Variants in ADGRB1 observed in about 807,000 individuals in gnomAD.
ADGRB1 encodes the protein brain-specific angiogenesis inhibitor 1.
Under a neutral mutation model 175.7 loss-of-function variants are expected in ADGRB1, and 36 were observed. The ratio of observed to expected loss-of-function variants is 0.20; its 90% CI spans 0.16 to 0.27. ADGRB1 has a LOEUF of 0.27. Among genes scored for constraint, ADGRB1 ranks in the 10% least tolerant of loss-of-function variants. The pLI, the probability that ADGRB1 is intolerant of heterozygous loss-of-function variation, is 1.00. For synonymous variants in ADGRB1, 1,054 were observed against 979.4 expected (o/e 1.08, Z -1.42); for missense variants, 1,731 against 2,255.3 (o/e 0.77, Z 4.71).
At chr8:142,459,830 G>A (rs1192123444) in intron 1 of ADGRB1, among the ~76,000 whole-genome samples, 1 of 152,150 alleles carries the variant, frequency 6.6e-6, no homozygotes, top group Non-Finnish European at 1.5e-5. Context: ...GAAGTCTCCT[G>A]TGACCCTGTC....
chr8:142,464,244 C>G lies in ADGRB1; in HGVS notation c.46C>G (p.Pro16Ala). 1 of 1,339,848 alleles carries G rather than the reference C, an allele frequency of 7.5e-7. No individual in the cohort carries two copies. Among genetic ancestry groups the G allele is most frequent in the Non-Finnish European group, 9.5e-7 (1 of 1,053,932 alleles). The allele number at this position is 1,339,848 out of a possible 1,614,324, so 83.0% of individuals were successfully genotyped here. A position where few individuals can be genotyped will look rare whatever the true frequency, so the allele number is the denominator to read the frequency against. The change falls in exon 2 of 31, where the codon CCG (proline) becomes GCG (alanine). Residue 16 changes from proline (P) to alanine (A), a missense_variant. Coordinates refer to ENST00000517894, the MANE Select transcript of ADGRB1 (RefSeq NM_001702.3). ...CCCGGGCCCCGTCTGGATCCTCGCC[C>G]CGCTGCTACTGCTGCTGCTGCTGCT... The part of the protein sequence containing the change: ...AAPGPVWILA[P>A]LLLLLLLLGR...
At position 142,520,847 on chromosome 8, in the gene ADGRB1, C is replaced by T. The variant is rs751055223; in HGVS notation, c.2946C>T (p.Val982=). 6.2e-6 allele frequency: 10 copies of T among 1,613,542 alleles called. No individual in the cohort carries two copies. The African/African-American group carries it at 6.7e-5, about 11-fold the overall frequency. Residue 982 remains valine (V), a synonymous_variant, in exon 20 of 31, where the codon GTC becomes GTT. Coordinates refer to ENST00000517894, the MANE Select transcript of ADGRB1 (RefSeq NM_001702.3). ...VWRYIRSERS[V]ILINFCLSII... is the part of the protein sequence containing the mutation. ...GGTACATTCGCTCAGAGCGTTCTGT[C>T]ATCCTCATCAACTTCTGCCTGTCCA...
At position 142,504,008 on chromosome 8, in the gene ADGRB1, C is replaced by T. The variant is rs1447011721; in HGVS notation, c.2676-6924C>T. On this transcript the variant is annotated intron_variant, in intron 17 of 30. Coordinates refer to ENST00000517894, the MANE Select transcript of ADGRB1 (RefSeq NM_001702.3). The surrounding 1 kb of genome is among the most constrained non-coding windows in gnomAD (Gnocchi z 5.6). ...GAAGCCCAGGAGCCAGCCTCATAGA[C>T]AGGGCACCAAGCCTGAGCAGGCTCC... Among the ~76,000 whole-genome samples, 1 of 152,146 alleles carries T rather than the reference C, an allele frequency of 6.6e-6. No individual in the cohort carries two copies. The highest frequency in any genetic ancestry group is 1.5e-5 in the Non-Finnish European group (1 of 68,012).
At chr8:142,539,525 C>T (rs1392893262) in intron 27 of ADGRB1, 112 bp downstream of exon 27, 4 of 1,301,168 alleles carry the variant, frequency 3.1e-6, no homozygotes, top group Non-Finnish European at 4.3e-6. Context: ...ACTCCTGCTG[C>T]CCCCACCCAC....
intron 2 of ADGRB1, among the ~76,000 whole-genome samples, chr8:142,473,565 G>A (rs1246086945): frequency 3.9e-5 from 6 of 152,234 alleles, no homozygotes; most frequent in Non-Finnish European, 7.3e-5. Context: ...ACCCTGTCCC[G>A]CCCTTGTGCC....
intron 17 of ADGRB1, among the ~76,000 whole-genome samples, chr8:142,497,669 C>T (rs1423172490): frequency 6.6e-6 from 1 of 152,206 alleles, no homozygotes; most frequent in Non-Finnish European, 1.5e-5. Flanking sequence ...AAAGATGAGC[C>T]CACCCTGGCC....
chr8:142,542,805 G>C lies in ADGRB1; in HGVS notation c.4413+158G>C, dbSNP rs1845361429. 6.6e-6 allele frequency among the ~76,000 whole-genome samples: 1 copy of C among 152,148 alleles called. No homozygotes were observed. The highest frequency in any genetic ancestry group is 2.4e-5 in the African/African-American group (1 of 41,454). On this transcript the variant is annotated intron_variant, in intron 28 of 30. Coordinates refer to ENST00000517894, the MANE Select transcript of ADGRB1 (RefSeq NM_001702.3). The surrounding 1 kb of genome is among the most constrained non-coding windows in gnomAD (Gnocchi z 6.3). ...CCCCTGGCCCTGCTGGGTGTGCTGT[G>C]TATGTCTGACGTGTGGTCCCCACCC...
chr8:142,527,599 G>C (rs573335523), intron 24 of ADGRB1, among the ~76,000 whole-genome samples: 1 of 152,178 alleles, frequency 6.6e-6, no homozygotes, highest in East Asian at 1.9e-4. Flanking sequence ...TCCTGGCCTG[G>C]GAGATGGAGG....
At chr8:142,476,076 C>T (rs980665557) in intron 3 of ADGRB1, among the ~76,000 whole-genome samples, 1 of 152,254 alleles carries the variant, frequency 6.6e-6, no homozygotes, top group African/African-American at 2.4e-5. Flanking sequence ...CCGCCTGCCC[C>T]AGCCGGATAC....
rs367757237 is a variant in ADGRB1 at position 142,481,643 on chromosome 8, G to C, written c.2062G>C (p.Asp688His). 6.2e-6 allele frequency: 10 copies of C among 1,607,738 alleles called. No homozygotes were observed. The South Asian group carries it at 1.1e-4, about 18-fold the overall frequency. Residue 688 changes from aspartate (D) to histidine (H), a missense_variant, in exon 11 of 31, where the codon GAT (aspartate) becomes CAT (histidine). Around this residue, in one of 8 missense-constraint regions of ADGRB1, gnomAD observed 388 missense variants for 630.9 expected, o/e 0.61. Coordinates refer to ENST00000517894, the MANE Select transcript of ADGRB1 (RefSeq NM_001702.3). Reference protein sequence around the residue: ...SYSGDLLSTIDVLRNMTEIFR... With the variant: ...SYSGDLLSTIHVLRNMTEIFR... ...CAGTGGGGACCTGCTGTCCACCATC[G>C]ATGTCCTGAGGAACATGACAGAGAT...
rs542216331 is a variant in ADGRB1 at position 142,490,810 on chromosome 8, G to A, written c.2670G>A (p.Thr890=). 1.5e-5 allele frequency: 24 copies of A among 1,582,996 alleles called. No homozygotes were observed. The highest frequency in any genetic ancestry group is 1.3e-4 in the African/African-American group (10 of 74,508). The stretch of plus-strand genomic sequence containing the variant: ...AGACCTGTATCCTGTGGGATGAGAC[G>A]GATGTGTAAGTTCACTTGGATTTCA... ...TNQTCILWDE[T]DVPSSSAPPQ... is the part of the protein sequence containing the mutation. The change falls in exon 17 of 31, where the codon ACG becomes ACA. Residue 890 remains threonine (T), a synonymous_variant. Coordinates refer to ENST00000517894, the MANE Select transcript of ADGRB1 (RefSeq NM_001702.3).
In ADGRB1 at chr8:142,489,326, G is replaced by T. The variant is rs1328451404; in HGVS notation, c.2529-10G>T. The T allele has an allele frequency of 1.2e-6, 2 of 1,612,594 alleles. No homozygotes were observed. The highest frequency in any genetic ancestry group is 3.3e-5 in the Admixed American group (2 of 60,010). On this transcript the variant is annotated splice_polypyrimidine_tract_variant and intron_variant, in intron 15 of 30. Coordinates refer to ENST00000517894, the MANE Select transcript of ADGRB1 (RefSeq NM_001702.3). ...GGCTCCCCCGACACCTGTGCCTCTG[G>T]CTCTTGCAGGAACACGACCGTCCTG...
chr8:142,455,580 T>A lies in ADGRB1; in HGVS notation c.-220+5476T>A, dbSNP rs921747263. On this transcript the variant is annotated intron_variant, in intron 1 of 30. Coordinates refer to ENST00000517894, the MANE Select transcript of ADGRB1 (RefSeq NM_001702.3). This position sits in a 1 kb window ranked among gnomAD's most constrained non-coding sequence, Gnocchi z 4.9. ...GAGGTCAGGAGGACCCAGGGATTAC[T>A]GGGAGCTCAGAGACTGGGGTGGACC... Among the ~76,000 whole-genome samples the A allele has an allele frequency of 6.6e-6, 1 of 152,198 alleles. No homozygotes were observed. Among genetic ancestry groups the A allele is most frequent in the Admixed American group, 6.5e-5 (1 of 15,282 alleles).
At chr8:142,471,671 G>A (rs1840670427) in intron 2 of ADGRB1, among the ~76,000 whole-genome samples, 1 of 152,266 alleles carries the variant, frequency 6.6e-6, no homozygotes, top group Non-Finnish European at 1.5e-5. Context: ...GCCCCACGAG[G>A]CTCCTCGCTC....
At chr8:142,532,663 C>T (rs565067987) in intron 24 of ADGRB1, among the ~76,000 whole-genome samples, 1 of 152,252 alleles carries the variant, frequency 6.6e-6, no homozygotes, top group Admixed American at 6.5e-5. Flanking sequence ...CTCATTCCCT[C>T]TAAGCTTCTC....
chr8:142,491,476 A>G (rs1309204285), intron 17 of ADGRB1, among the ~76,000 whole-genome samples: 1 of 152,214 alleles, frequency 6.6e-6, no homozygotes, highest in East Asian at 1.9e-4. Context: ...GGCAGCGAAG[A>G]GAAGCTCGCC....
Position 142,489,349 on chromosome 8 carries a change from C to G in ADGRB1, c.2542C>G (p.Leu848Val). The G allele has an allele frequency of 6.2e-7, 1 of 1,612,926 alleles. No homozygotes were observed. Among genetic ancestry groups the G allele is most frequent in the Non-Finnish European group, 8.5e-7 (1 of 1,179,826 alleles). Residue 848 changes from leucine to valine, a missense_variant, in exon 16 of 31, where the codon CTG becomes GTG. By Grantham distance (32) the Leu-to-Val change is conservative (BLOSUM62 1). Transcript: ENST00000517894. Reference protein sequence around the residue: ...FLALQRNTTVLNSKVISVTVK... With the variant: ...FLALQRNTTVVNSKVISVTVK... The stretch of plus-strand genomic sequence containing the variant: ...TGGCTCTTGCAGGAACACGACCGTC[C>G]TGAATTCTAAGGTGATCTCCGTGAC...
chr8:142,480,061 C>T (rs1415473994), intron 9 of ADGRB1, among the ~76,000 whole-genome samples: 6 of 152,208 alleles, frequency 3.9e-5, no homozygotes, highest in Admixed American at 1.3e-4. Context: ...CCCAAGAAGC[C>T]GCCACCATTT....
chr8:142,491,130 G>C (rs1841961252), intron 17 of ADGRB1, among the ~76,000 whole-genome samples: 1 of 152,220 alleles, frequency 6.6e-6, no homozygotes, highest in African/African-American at 2.4e-5. Context: ...GCCCACAGCA[G>C]GTGGAATCCT....
Sources: gnomAD v4.1 joint callset for allele counts (sites outside exome capture counted in the v4.1 genomes callset) on GRCh38, gnomAD v4.1.1 for gene constraint, gnomAD v4.1.1 regional missense constraint, Gnocchi (gnomAD v3.1) non-coding constraint, MANE v1.5 for transcripts, NCBI Gene and HGNC (gene_info 2026-07-23, HGNC 2026-07-21) for gene names.